The following PPM1L variants were observed in gnomAD, a reference collection of about 807,000 sequenced individuals.
PPM1L encodes protein phosphatase 1L.
Under a neutral mutation model 31.4 loss-of-function variants are expected in PPM1L, and 13 were observed. The ratio of observed to expected loss-of-function variants is 0.41; its 90% CI spans 0.27 to 0.66. The LOEUF is 0.66. PPM1L is among the 30% of genes least tolerant of loss of function. The probability of loss-of-function intolerance (pLI) is 0.29; values close to 1 mark genes in which losing one functional copy is unlikely to be tolerated. For missense variants in PPM1L, 326 were observed against 453.7 expected (o/e 0.72, Z 2.56); for synonymous variants, 184 against 175.4 (o/e 1.05, Z -0.39).
chr3:160,938,270 A>G (rs1033898724), intron 1 of PPM1L, among the ~76,000 whole-genome samples: 5 of 152,200 alleles, frequency 3.3e-5, no homozygotes, highest in Non-Finnish European at 5.9e-5. Flanking sequence ...CCTACTACCA[A>G]CTGATGGCTG....
At chr3:160,974,644 G>T (rs1166948978) in intron 2 of PPM1L, among the ~76,000 whole-genome samples, 2 of 150,520 alleles carry the variant, frequency 1.3e-5, no homozygotes, top group East Asian at 1.9e-4. Flanking sequence ...ATTTTTTCAT[G>T]TGTTTTTTGG....
chr3:160,869,361 TC>T (rs1712215980), intron 1 of PPM1L, among the ~76,000 whole-genome samples: 1 of 152,200 alleles, frequency 6.6e-6, no homozygotes, highest in African/African-American at 2.4e-5. Context: ...TTTGTAACTT[TC>T]CTATGCACAT....
At chr3:160,999,600 A>G (rs1303291303) in intron 2 of PPM1L, among the ~76,000 whole-genome samples, 1 of 152,206 alleles carries the variant, frequency 6.6e-6, no homozygotes, top group Non-Finnish European at 1.5e-5. Context: ...TCAGGCGTAA[A>G]CATGTTTTCA....
chr3:160,856,169 G>A (rs956027513), intron 1 of PPM1L, among the ~76,000 whole-genome samples: 1 of 151,874 alleles, frequency 6.6e-6, no homozygotes, highest in Non-Finnish European at 1.5e-5. Context: ...TGTGCCCACC[G>A]AGATTGAGAG....
chr3:160,775,457 T>C (rs575666903), intron 1 of PPM1L, among the ~76,000 whole-genome samples: 77 of 152,356 alleles, frequency 5.1e-4, no homozygotes, highest in African/African-American at 1.8e-3. Flanking sequence ...TTGCTTTTCT[T>C]ATTACCCCTC....
chr3:160,889,300 A>G (rs565974383), intron 1 of PPM1L, among the ~76,000 whole-genome samples: 2 of 152,346 alleles, frequency 1.3e-5, no homozygotes, highest in Non-Finnish European at 2.9e-5. Flanking sequence ...AATAGAAACA[A>G]AAAATGATAA....
intron 2 of PPM1L, among the ~76,000 whole-genome samples, chr3:160,978,834 CAAGA>C (rs986338933): frequency 3.4e-5 from 5 of 148,594 alleles, no homozygotes; most frequent in South Asian, 2.1e-4. Context: ...AGTTAAACAA[CAAGA>C]AAGAAAGAAA....
At chr3:160,948,183 A>C (rs1418974075) in intron 1 of PPM1L, among the ~76,000 whole-genome samples, 3 of 152,208 alleles carry the variant, frequency 2.0e-5, no homozygotes, top group African/African-American at 7.2e-5. Context: ...GACTTGGGAA[A>C]AAGATATATT....
chr3:160,993,051 G>A (rs944157558), intron 2 of PPM1L, among the ~76,000 whole-genome samples: 7 of 151,730 alleles, frequency 4.6e-5, no homozygotes, highest in Admixed American at 3.9e-4. Flanking sequence ...ATCCAGGTAC[G>A]GTGTACACTG....
At chr3:160,994,497 A>G (rs1191039737) in intron 2 of PPM1L, among the ~76,000 whole-genome samples, 2 of 152,222 alleles carry the variant, frequency 1.3e-5, no homozygotes, top group African/African-American at 4.8e-5. Flanking sequence ...TCCATGGGAC[A>G]GCCTGGGGGC....
chr3:161,058,006 T>C (rs1428511014), intron 2 of PPM1L, among the ~76,000 whole-genome samples: 1 of 151,760 alleles, frequency 6.6e-6, no homozygotes, highest in Non-Finnish European at 1.5e-5. Flanking sequence ...GAAAGGGGCC[T>C]GGAGGTTAAT....
chr3:160,983,290 T>C lies in PPM1L; in HGVS notation c.574+21380T>C, dbSNP rs1716860699. Among the ~76,000 whole-genome samples the C allele has an allele frequency of 2.6e-5, 4 of 152,212 alleles. No homozygotes were observed. In the South Asian group the frequency reaches 6.2e-4, roughly 24 times the overall value. On this transcript the variant is annotated intron_variant, in intron 2 of 3. Transcript: ENST00000498165. ...TATTAAATTTTTCTTTTTGCTGTAA[T>C]GACAGTAACTTTAGGCCTCTTCAGT... is the stretch of plus-strand genomic sequence containing the variant.
chr3:160,852,406 T>A (rs9869115), intron 1 of PPM1L, among the ~76,000 whole-genome samples: 67,740 of 151,728 alleles, frequency 0.45, 15,685 homozygotes, highest in East Asian at 0.6. Flanking sequence ...CATGTTAATG[T>A]TTGACAGAGA....
chr3:161,038,383 C>T (rs1240300930), intron 2 of PPM1L, among the ~76,000 whole-genome samples: 2 of 151,842 alleles, frequency 1.3e-5, no homozygotes, highest in African/African-American at 2.4e-5. Context: ...ACAATCATAG[C>T]CCACTGCAGC....
intron 1 of PPM1L, among the ~76,000 whole-genome samples, chr3:160,901,475 C>T (rs571438103): frequency 6.6e-6 from 1 of 152,238 alleles, no homozygotes; most frequent in Non-Finnish European, 1.5e-5. Flanking sequence ...TCATCTTCCC[C>T]TAAAATTCTC....
Position 161,065,412 on chromosome 3 carries a change from G to C in PPM1L, c.584G>C (p.Cys195Ser), listed in dbSNP as rs1460233763. 1 of 1,613,952 alleles carries C rather than the reference G, an allele frequency of 6.2e-7. No homozygotes were observed. ...CTCTTCTATTTTTCAGGCACAACGT[G>C]TTTGATTGCTCTGCTATCAGATAAA... Reference protein sequence around the residue: ...TVSYDEAGTTCLIALLSDKDL... With the variant: ...TVSYDEAGTTSLIALLSDKDL... Residue 195 changes from cysteine (C) to serine (S), a missense_variant, in exon 3 of 4, where the codon TGT (cysteine) becomes TCT (serine). Coordinates refer to ENST00000498165, the MANE Select transcript of PPM1L (RefSeq NM_139245.4).
At chr3:160,952,150 A>G (rs945782757) in intron 1 of PPM1L, among the ~76,000 whole-genome samples, 1 of 152,206 alleles carries the variant, frequency 6.6e-6, no homozygotes, top group Non-Finnish European at 1.5e-5. Flanking sequence ...CTTGGCAGGC[A>G]TGAGAGAAGA....
chr3:160,814,122 T>C (rs1712893499), intron 1 of PPM1L, among the ~76,000 whole-genome samples: 2 of 152,206 alleles, frequency 1.3e-5, no homozygotes, highest in Admixed American at 1.3e-4. Flanking sequence ...TGGAAGGGGC[T>C]TACAACCTTT....
chr3:160,931,388 C>T (rs1195244092), intron 1 of PPM1L, among the ~76,000 whole-genome samples: 1 of 152,222 alleles, frequency 6.6e-6, no homozygotes, highest in Non-Finnish European at 1.5e-5. Context: ...ATCCACACGT[C>T]CTCATTTATC....
Sources: allele counts gnomAD v4.1 joint callset (sites outside exome capture counted in the v4.1 genomes callset), GRCh38; gene constraint gnomAD v4.1.1; transcripts MANE v1.5; gene names NCBI Gene and HGNC (gene_info 2026-07-23, HGNC 2026-07-21).